Variants in PCDHGA12 observed in about 807,000 individuals in gnomAD.
The protein encoded by PCDHGA12 is protocadherin gamma-A12.
In PCDHGA12, 43 loss-of-function variants were observed where a neutral mutation model predicts 61.1. The observed-to-expected ratio is 0.70, with a 90% confidence interval of 0.55 to 0.91. The LOEUF is 0.91. Ranked by LOEUF, PCDHGA12 falls within the 40% of genes least tolerant of loss-of-function variation. The pLI is 0.00. For missense variants in PCDHGA12, 1,236 were observed against 1,227.7 expected, an observed-to-expected ratio of 1.01 and a Z score of -0.10; for synonymous variants, 520 against 542.9, an observed-to-expected ratio of 0.96 and a Z score of 0.59.
chr5:141,432,652 C>T lies in PCDHGA12; in HGVS notation c.1893C>T (p.Ala631=), dbSNP rs1004936183. The change falls in exon 1 of 4, where the codon GCC becomes GCT. Residue 631 remains alanine, a synonymous_variant. Transcript: ENST00000252085. This position sits in a 1 kb window ranked among gnomAD's most constrained non-coding sequence, Gnocchi z 6.0. ...CGGGCGAGGTGCGCACGGCGCGAGC[C>T]CTGCTGGACAGAGACGCGCTCAAGC... ...LHTGEVRTAR[A]LLDRDALKQS... is the part of the protein sequence containing the mutation. The T allele has an allele frequency of 6.2e-7, 1 of 1,613,836 alleles. No individual in the cohort carries two copies. Among genetic ancestry groups the T allele is most frequent in the East Asian group, 2.2e-5 (1 of 44,860 alleles).
Position 141,431,142 on chromosome 5 carries a change from A to G in PCDHGA12, c.383A>G (p.Asp128Gly). ...GVEVEVRDIN[D>G]NAPYFRESEL... ...GAAGTAGAAGTAAGGGACATTAACG[A>G]CAATGCGCCTTACTTTCGTGAAAGT... The change falls in exon 1 of 4, where the codon GAC (aspartate) becomes GGC (glycine). Residue 128 changes from aspartate (D) to glycine (G), a missense_variant. Physicochemically the swap from Asp to Gly is moderately conservative, Grantham distance 94 (BLOSUM62 -1). Coordinates refer to ENST00000252085, the MANE Select transcript of PCDHGA12 (RefSeq NM_003735.3). This position sits in a 1 kb window ranked among gnomAD's most constrained non-coding sequence, Gnocchi z 4.8. 1 of 1,614,240 alleles carries G rather than the reference A, an allele frequency of 6.2e-7. No individual in the cohort carries two copies. Among genetic ancestry groups the G allele is most frequent in the Non-Finnish European group, 8.5e-7 (1 of 1,180,024 alleles).
At chr5:141,448,984 A>C (rs2098621334) in intron 1 of PCDHGA12, among the ~76,000 whole-genome samples, 1 of 152,086 alleles carries the variant, frequency 6.6e-6, no homozygotes, top group Non-Finnish European at 1.5e-5. Context: ...CTTCCATATT[A>C]ATATATAGAA....
At position 141,431,280 on chromosome 5, in the gene PCDHGA12, C is replaced by G; in HGVS notation, c.521C>G (p.Pro174Arg). ...KNSLQSYELS[P>R]NTHFSLIVQN... ...TCTCTGCAGAGCTACGAGCTCAGCC[C>G]GAACACTCACTTCTCCCTCATCGTG... The change falls in exon 1 of 4, where the codon CCG (proline) becomes CGG (arginine). Residue 174 changes from proline (P) to arginine (R), a missense_variant. Physicochemically the swap from Pro to Arg is moderately radical, Grantham distance 103. Transcript: ENST00000252085. This position sits in a 1 kb window ranked among gnomAD's most constrained non-coding sequence, Gnocchi z 4.8. The G allele has an allele frequency of 6.2e-7, 1 of 1,614,146 alleles. No homozygotes were observed. The highest frequency in any genetic ancestry group is 8.5e-7 in the Non-Finnish European group (1 of 1,180,040).
At position 141,485,677 on chromosome 5, in the gene PCDHGA12, C is replaced by T. The variant is rs757797282; in HGVS notation, c.2425-9130C>T. ...CAGATGTGGGGAGCAATTCGATTAG[C>T]AGCTATAGGCTGAGCTCCAATGAAC... On this transcript the variant is annotated intron_variant, in intron 1 of 3. Transcript: ENST00000252085. This position sits in a 1 kb window ranked among gnomAD's most constrained non-coding sequence, Gnocchi z 5.7. 2.4e-5 allele frequency: 38 copies of T among 1,612,714 alleles called. No individual in the cohort carries two copies. In the East Asian group the frequency reaches 7.8e-4, roughly 33 times the overall value.
chr5:141,438,579 CATACATACATACATATAT>C (rs1303045573), intron 1 of PCDHGA12, among the ~76,000 whole-genome samples: 21 of 55,772 alleles, frequency 3.8e-4, no homozygotes, highest in Admixed American at 1.1e-3. Context: ...GATATACATA[CATACATACATACATATAT>C]ATATATATAT....
chr5:141,484,334 A>G (rs988395353), intron 1 of PCDHGA12, among the ~76,000 whole-genome samples: 3 of 152,192 alleles, frequency 2.0e-5, no homozygotes, highest in East Asian at 1.9e-4. Context: ...CTTGAAATCA[A>G]TGAATGGTAA....
chr5:141,475,139 C>T (rs928313061), intron 1 of PCDHGA12, among the ~76,000 whole-genome samples: 2 of 151,928 alleles, frequency 1.3e-5, no homozygotes, highest in African/African-American at 4.8e-5. Flanking sequence ...TTTTTGAAAT[C>T]TTCTCCGTCT....
At chr5:141,494,889 A>G (rs2099757275) in intron 2 of PCDHGA12, 24 bp downstream of exon 2, 1 of 1,613,844 alleles carries the variant, frequency 6.2e-7, no homozygotes, top group Admixed American at 1.7e-5. Context: ...TCTCCAGCCC[A>G]CCCTCTTCTC....
At position 141,485,565 on chromosome 5, in the gene PCDHGA12, C is replaced by T. The variant is rs1213821989; in HGVS notation, c.2425-9242C>T. The T allele has an allele frequency of 2.5e-6, 4 of 1,612,946 alleles. No homozygotes were observed. Among genetic ancestry groups the T allele is most frequent in the Non-Finnish European group, 2.5e-6 (3 of 1,179,042 alleles). On this transcript the variant is annotated intron_variant, in intron 1 of 3. Coordinates refer to ENST00000252085, the MANE Select transcript of PCDHGA12 (RefSeq NM_003735.3). The surrounding 1 kb of genome is among the most constrained non-coding windows in gnomAD (Gnocchi z 5.7). ...ATCGTAGATGTGAATGATCACGCCCCCCGTTTTCCGCGGCAGCAGCTGGAC... is the reference window on the plus strand; with the variant it reads ...ATCGTAGATGTGAATGATCACGCCCTCCGTTTTCCGCGGCAGCAGCTGGAC...
chr5:141,450,985 C>T (rs533993975), intron 1 of PCDHGA12, among the ~76,000 whole-genome samples: 22 of 151,876 alleles, frequency 1.4e-4, no homozygotes, highest in African/African-American at 3.9e-4. Flanking sequence ...CCACCACACC[C>T]GGCTAATTTT....
Position 141,485,098 on chromosome 5 carries a change from A to G in PCDHGA12, c.2425-9709A>G, listed in dbSNP as rs2099606903. ...CGGGGAAAGGGAGATAGGTGTCTCCAGCTGCTGTGGCTGTTTGGGGCGGGT... is the reference window on the plus strand; with the variant it reads ...CGGGGAAAGGGAGATAGGTGTCTCCGGCTGCTGTGGCTGTTTGGGGCGGGT... On this transcript the variant is annotated intron_variant, in intron 1 of 3. Transcript: ENST00000252085. This position sits in a 1 kb window ranked among gnomAD's most constrained non-coding sequence, Gnocchi z 5.7. 8.8e-7 allele frequency: 1 copy of G among 1,134,792 alleles called. No individual in the cohort carries two copies. Among genetic ancestry groups the G allele is most frequent in the South Asian group, 1.4e-5 (1 of 71,796 alleles). The allele number at this position is 1,134,792 out of a possible 1,614,324, so 70.3% of individuals were successfully genotyped here. A position where few individuals can be genotyped will look rare whatever the true frequency, so the allele number is the denominator to read the frequency against.
intron 1 of PCDHGA12, among the ~76,000 whole-genome samples, chr5:141,458,351 T>A (rs903399511): frequency 2.0e-5 from 3 of 152,010 alleles, no homozygotes; most frequent in African/African-American, 7.3e-5. Flanking sequence ...GAGAGTTTAA[T>A]AAGCAAGAAG....
intron 1 of PCDHGA12, among the ~76,000 whole-genome samples, chr5:141,475,171 C>A (rs545499118): frequency 6.6e-6 from 1 of 152,164 alleles, no homozygotes; most frequent in African/African-American, 2.4e-5. Context: ...AGCAGTGCAA[C>A]TTCTTGTGGC....
intron 1 of PCDHGA12, among the ~76,000 whole-genome samples, chr5:141,472,561 T>C (rs1000220187): frequency 2.6e-5 from 4 of 151,632 alleles, no homozygotes; most frequent in African/African-American, 9.7e-5. Flanking sequence ...AATTATATTA[T>C]AAATGCTGCA....
In PCDHGA12 at chr5:141,434,333, G is replaced by A. The variant is rs200059384; in HGVS notation, c.2424+1150G>A. On this transcript the variant is annotated intron_variant, in intron 1 of 3. Coordinates refer to ENST00000252085, the MANE Select transcript of PCDHGA12 (RefSeq NM_003735.3). The stretch of plus-strand genomic sequence containing the variant: ...TCTTCCTCTTGCTGCTTGTCTCTTT[G>A]TGTCGGGAACAGGCCCCCCAAAATC... Among the ~76,000 whole-genome samples, 23 of 152,220 alleles carry A rather than the reference G, an allele frequency of 1.5e-4. No individual in the cohort carries two copies. In the East Asian group the frequency reaches 4.3e-3, roughly 28 times the overall value.
chr5:141,448,192 TACAAAC>T (rs2098573842), intron 1 of PCDHGA12, among the ~76,000 whole-genome samples: 1 of 152,188 alleles, frequency 6.6e-6, no homozygotes, highest in Non-Finnish European at 1.5e-5. Flanking sequence ...TATGTACACT[TACAAAC>T]ATTTTCTGTG....
chr5:141,456,427 T>A (rs1156577293), intron 1 of PCDHGA12, among the ~76,000 whole-genome samples: 1 of 152,166 alleles, frequency 6.6e-6, no homozygotes, highest in East Asian at 1.9e-4. Context: ...ATTCAAGTTA[T>A]AGTATTGAGT....
intron 1 of PCDHGA12, among the ~76,000 whole-genome samples, chr5:141,480,916 A>C (rs991166066): frequency 6.6e-6 from 1 of 152,106 alleles, no homozygotes; most frequent in East Asian, 1.9e-4. Flanking sequence ...ATGGTGGCGC[A>C]TACCTGTAGT....
intron 1 of PCDHGA12, among the ~76,000 whole-genome samples, chr5:141,447,863 A>G (rs553375129): frequency 6.6e-6 from 1 of 152,254 alleles, no homozygotes; most frequent in East Asian, 1.9e-4. Flanking sequence ...AGGTGGGTGA[A>G]TCATCTGAGG....
Sources: gnomAD v4.1 joint callset for allele counts (sites outside exome capture counted in the v4.1 genomes callset) on GRCh38, gnomAD v4.1.1 for gene constraint, Gnocchi (gnomAD v3.1) non-coding constraint, MANE v1.5 for transcripts, NCBI Gene and HGNC (gene_info 2026-07-23, HGNC 2026-07-21) for gene names.